The following GTPBP3 variants were observed in gnomAD, a reference collection of about 807,000 sequenced individuals.
GTPBP3 encodes the protein 5-taurinomethyluridine-[tRNA] synthase subunit GTPB3, mitochondrial.
GTPBP3 carries 35 observed loss-of-function variants against 42.0 expected under a neutral mutation model. The observed-to-expected ratio is 0.83, with a 90% CI of 0.64 to 1.10. The LOEUF is 1.10. Ranked by LOEUF, GTPBP3 falls within the 50% of genes least tolerant of loss-of-function variation. The probability of loss-of-function intolerance (pLI) is 0.00; values close to 1 mark genes in which losing one functional copy is unlikely to be tolerated. For synonymous variants in GTPBP3, 332 were observed against 314.9 expected (o/e 1.05, Z -0.58); for missense variants, 691 against 685.2 (o/e 1.01, Z -0.09).
rs570078715 is a variant in GTPBP3, at chr19:17,340,455, A to G, written c.975-589A>G. The stretch of plus-strand genomic sequence containing the variant: ...CTCTCGTGCTCTGTCCCGCCCTGGC[A>G]CTCCGCTCTGCCCCTTGCGGTCTAT... On this transcript the variant is annotated intron_variant, in intron 7 of 8. Transcript: ENST00000324894. 1.2e-4 allele frequency among the ~76,000 whole-genome samples: 17 copies of G among 139,554 alleles called. No individual in the cohort carries two copies. In the South Asian group the frequency reaches 3.9e-3, roughly 32 times the overall value. 91.6% of individuals were successfully genotyped at this position (139,554 alleles called of 152,430 possible).
upstream of GTPBP3, chr19:17,336,707 A>T (rs905392667): frequency 1.3e-5 from 2 of 152,178 alleles, no homozygotes; most frequent in Non-Finnish European, 2.9e-5. Context: ...TTCCACCATC[A>T]GCGCTTTATT....
rs2145707081 is a variant in GTPBP3 at position 17,341,568 on chromosome 19, C to T, written c.1344C>T (p.Tyr448=). The T allele has an allele frequency of 6.2e-7, 1 of 1,613,950 alleles. No homozygotes were observed. Among genetic ancestry groups the T allele is most frequent in the Non-Finnish European group, 8.5e-7 (1 of 1,180,016 alleles). The change falls in exon 9 of 9, where the codon TAC becomes TAT. Residue 448 remains tyrosine, a synonymous_variant. Transcript: ENST00000324894. The stretch of plus-strand genomic sequence containing the variant: ...GTTGCCTGGATGCCCTCGGCCACTA[C>T]AAGCAGTCAAAAGACCTGGCCCTGG... ...LQGCLDALGH[Y]KQSKDLALAA...
Position 17,337,681 on chromosome 19 carries a change from A to G in GTPBP3, c.53+17A>G, listed in dbSNP as rs1311148009. ...GCCTCGCAGGTGGGGCTACAGGGGA[A>G]GGGGTGCGACAGCTTGGGGTGCTGC... is the stretch of plus-strand genomic sequence containing the variant. On this transcript the variant is annotated intron_variant, in intron 1 of 8. Coordinates refer to ENST00000324894, the MANE Select transcript of GTPBP3 (RefSeq NM_032620.4). 2.2e-6 allele frequency: 3 copies of G among 1,355,858 alleles called. No individual in the cohort carries two copies. Among genetic ancestry groups the G allele is most frequent in the Non-Finnish European group, 2.9e-6 (3 of 1,050,778 alleles). The allele number at this position is 1,355,858 out of a possible 1,614,324, so 84.0% of individuals were successfully genotyped here. A position where few individuals can be genotyped will look rare whatever the true frequency, so the allele number is the denominator to read the frequency against.
chr19:17,339,657 C>G (rs1388055852), intron 7 of GTPBP3, 58 bp downstream of exon 7: 1 of 1,482,764 alleles, frequency 6.7e-7, no homozygotes, highest in Non-Finnish European at 9.0e-7. Context: ...TGCCTTTTCT[C>G]CCTGTTGCGT....
intron 7 of GTPBP3, 155 bp from the exon 8 acceptor site, chr19:17,340,889 A>G: frequency 2.7e-6 from 2 of 746,240 alleles, no homozygotes; most frequent in Non-Finnish European, 2.1e-6. Flanking sequence ...TGGGCCCCCA[A>G]CATTCTGCCG....
At position 17,341,117 on chromosome 19, in the gene GTPBP3, C is replaced by T. The variant is rs2074426444; in HGVS notation, c.1048C>T (p.Leu350=). The T allele has an allele frequency of 3.1e-6, 5 of 1,613,928 alleles. No individual in the cohort carries two copies. Among genetic ancestry groups the T allele is most frequent in the Non-Finnish European group, 4.2e-6 (5 of 1,180,022 alleles). The change falls in exon 8 of 9, where the codon CTG becomes TTG. Residue 350 remains leucine, a synonymous_variant. Coordinates refer to ENST00000324894, the MANE Select transcript of GTPBP3 (RefSeq NM_032620.4). The part of the protein sequence containing the change: ...DLASPSSCNF[L]ATVVASVGAQ... The stretch of plus-strand genomic sequence containing the variant: ...GGCCTCTCCCTCCAGTTGCAACTTC[C>T]TGGCCACCGTCGTAGCCTCTGTGGG...
At chr19:17,339,766 A>C (rs889907482) in intron 7 of GTPBP3, among the ~76,000 whole-genome samples, 167 bp downstream of exon 7, 8 of 132,430 alleles carry the variant, frequency 6.0e-5, no homozygotes, top group Non-Finnish European at 1.3e-4. Flanking sequence ...TTTTACTCCG[A>C]GACCGAGTCT....
rs774594475 is a variant in GTPBP3, at chr19:17,339,049, G to A, written c.664+23G>A. On this transcript the variant is annotated intron_variant, in intron 5 of 8. Transcript: ENST00000324894. ...AAGGTGGGTCTACCTGGTGGTGGGG[G>A]AGGAAGACACCTCATATCAGCCCTC... is the stretch of plus-strand genomic sequence containing the variant. The A allele has an allele frequency of 5.0e-6, 8 of 1,614,008 alleles. No individual in the cohort carries two copies. In the South Asian group the frequency reaches 8.8e-5, roughly 18 times the overall value.
Position 17,341,928 on chromosome 19 carries a change from G to A in GTPBP3, c.*225G>A. 1 of 433,774 alleles carries A rather than the reference G, an allele frequency of 2.3e-6. No individual in the cohort carries two copies. Among genetic ancestry groups the A allele is most frequent in the South Asian group, 7.8e-5 (1 of 12,754 alleles). The allele number at this position is 433,774 out of a possible 1,614,324, so 26.9% of individuals were successfully genotyped here. ...AGGTCCCGTTCGACCCTTGATGCTG[G>A]GGCATCCGGGTTGGGATGGAGATAG... On this transcript the variant is annotated 3_prime_UTR_variant, in exon 9 of 9. Coordinates refer to ENST00000324894, the MANE Select transcript of GTPBP3 (RefSeq NM_032620.4).
upstream of GTPBP3, among the ~76,000 whole-genome samples, chr19:17,335,381 T>C (rs994226939): frequency 6.6e-6 from 1 of 152,212 alleles, no homozygotes; most frequent in African/African-American, 2.4e-5. Context: ...ACAGTCCGTC[T>C]AGTTAAATGT....
At chr19:17,338,849 C>G (rs372751764) in intron 4 of GTPBP3, 105 bp from the exon 5 acceptor site, 52 of 1,533,448 alleles carry the variant, frequency 3.4e-5, no homozygotes, top group East Asian at 2.5e-4. Context: ...AAGCTTCCGG[C>G]CTATGAGCCG....
chr19:17,340,893 TC>T, intron 7 of GTPBP3, 150 bp from the exon 8 acceptor site: 1 of 772,368 alleles, frequency 1.3e-6, no homozygotes, highest in Non-Finnish European at 2.0e-6. Context: ...CCCCCAACAT[TC>T]TGCCGGTCCC....
rs752831793 is a variant in GTPBP3 at position 17,339,616 on chromosome 19, GTGA to G, written c.974+20_974+22del. On this transcript the variant is annotated intron_variant, in intron 7 of 8. Transcript: ENST00000324894. ...CCGGGAGAGGTGGGCGGACAGGGTG[GTGA>G]TGGGAGGGGAACGCGGGGCCCTTTC... 2.4e-3 allele frequency: 3,847 copies of G among 1,587,346 alleles called. 7 individuals are homozygous for G. The highest frequency in any genetic ancestry group is 3.1e-3 in the Non-Finnish European group (3,589 of 1,171,384).
upstream of GTPBP3, chr19:17,335,237 TTAGGAACTTTGC>T: frequency 1.4e-6 from 2 of 1,439,552 alleles, no homozygotes; most frequent in Non-Finnish European, 1.9e-6. Flanking sequence ...CAAGCCCTGC[TTAGGAACTTTGC>T]ACGCACCATT....
intron 7 of GTPBP3, 183 bp from the exon 8 acceptor site, chr19:17,340,861 C>T: frequency 1.6e-6 from 1 of 609,140 alleles, no homozygotes. Flanking sequence ...TGCTCTGCCC[C>T]ACCCCCTGTG....
rs1214836372 is a variant in GTPBP3, at chr19:17,338,693, C to T, written c.543C>T (p.Asp181=). ...AQRRQALRQL[D]GELGHLCRGW... ...GGCGGCAGGCCCTCAGGCAGCTGGA[C>T]GGAGAGCTGGGCCACCTCTGCCGTG... The change falls in exon 4 of 9, where the codon GAC becomes GAT. Residue 181 remains aspartate (D), a synonymous_variant. Coordinates refer to ENST00000324894, the MANE Select transcript of GTPBP3 (RefSeq NM_032620.4). The T allele has an allele frequency of 3.1e-6, 5 of 1,613,350 alleles. No homozygotes were observed. The highest frequency in any genetic ancestry group is 2.7e-5 in the African/African-American group (2 of 74,938).
At position 17,341,145 on chromosome 19, in the gene GTPBP3, C is replaced by G; in HGVS notation, c.1076C>G (p.Ala359Gly). 6.2e-7 allele frequency: 1 copy of G among 1,613,534 alleles called. No individual in the cohort carries two copies. Among genetic ancestry groups the G allele is most frequent in the Non-Finnish European group, 8.5e-7 (1 of 1,180,022 alleles). Residue 359 changes from alanine (A) to glycine (G), a missense_variant, in exon 8 of 9, where the codon GCC becomes GGC. Coordinates refer to ENST00000324894, the MANE Select transcript of GTPBP3 (RefSeq NM_032620.4). The part of the protein sequence containing the change: ...FLATVVASVG[A>G]QSPSDSSQRL... ...GCCACCGTCGTAGCCTCTGTGGGAG[C>G]CCAGAGCCCCAGTGACAGCAGCCAG...
intron 7 of GTPBP3, 90 bp from the exon 8 acceptor site, chr19:17,340,954 T>A: frequency 7.0e-7 from 1 of 1,437,992 alleles, no homozygotes; most frequent in Non-Finnish European, 9.5e-7. Flanking sequence ...GCTCCCCCAG[T>A]GCTCTGCCTG....
Position 17,339,510 on chromosome 19 carries a change from C to T in GTPBP3, c.885C>T (p.Ala295=), listed in dbSNP as rs1442825376. Reference sequence around the variant, plus strand: ...TGCTGGAGACCCCAGTCGACCTGGCCGGATTTCCTGTGCTGCTGAGCGACA... The same window carrying T: ...TGCTGGAGACCCCAGTCGACCTGGCTGGATTTCCTGTGCTGCTGAGCGACA... ...RDVLETPVDL[A]GFPVLLSDTA... is the part of the protein sequence containing the mutation. Residue 295 remains alanine, a synonymous_variant, in exon 7 of 9, where the codon GCC becomes GCT. Coordinates refer to ENST00000324894, the MANE Select transcript of GTPBP3 (RefSeq NM_032620.4). 8 of 1,613,910 alleles carry T rather than the reference C, an allele frequency of 5.0e-6. No homozygotes were observed. The highest frequency in any genetic ancestry group is 1.6e-4 in the Middle Eastern group (1 of 6,062).
Sources: gnomAD v4.1 joint callset for allele counts (sites outside exome capture counted in the v4.1 genomes callset) on GRCh38, gnomAD v4.1.1 for gene constraint, MANE v1.5 for transcripts, NCBI Gene and HGNC (gene_info 2026-07-23, HGNC 2026-07-21) for gene names.